Variants in KANK1 observed in about 807,000 individuals in gnomAD.
The protein encoded by KANK1 is KN motif and ankyrin repeat domains 1.
In KANK1, 109 loss-of-function variants were observed where a neutral mutation model predicts 106.2. That is an observed-to-expected ratio of 1.03 (90% CI 0.88 to 1.20). KANK1 has a LOEUF of 1.20. Ranked by LOEUF, KANK1 falls within the 50% of genes most tolerant of loss-of-function variation. The probability of loss-of-function intolerance (pLI) is 0.00; values close to 1 mark genes in which losing one functional copy is unlikely to be tolerated. For missense variants in KANK1, 2,399 were observed against 1,710.7 expected (o/e 1.40, Z -7.10); for synonymous variants, 873 against 652.2 (o/e 1.34, Z -5.16).
rs141006609 is a variant in KANK1 at position 676,121 on chromosome 9, C to T, written c.-83-769C>T. On this transcript the variant is annotated intron_variant, in intron 1 of 11. Transcript: ENST00000382297. ...GTTTTGGACGGCTTCTTTACCACAA[C>T]CTGTTTTATCAGCAAGGTCTTTGTG... Among the ~76,000 whole-genome samples the T allele has an allele frequency of 4.9e-4, 75 of 152,262 alleles. 1 individual carries two copies. The highest frequency in any genetic ancestry group is 3.4e-3 in the Middle Eastern group (1 of 294).
intron 1 of KANK1, among the ~76,000 whole-genome samples, chr9:581,949 A>C (rs1181477298): frequency 6.6e-6 from 1 of 152,142 alleles, no homozygotes. Context: ...GATCTCCCTT[A>C]AGTGTGAGAG....
chr9:698,521 G>C lies in KANK1; in HGVS notation c.38-12283G>C, dbSNP rs140194629. On this transcript the variant is annotated intron_variant, in intron 2 of 11. Coordinates refer to ENST00000382297, the MANE Select transcript of KANK1 (RefSeq NM_015158.5). ...AGCAGAATGAGGTAACAGAGCCCTA[G>C]AAGACAAGCCCAGAGACCGGATCCT... 3.2e-3 allele frequency among the ~76,000 whole-genome samples: 492 copies of C among 152,202 alleles called. 4 individuals are homozygous for C. Among genetic ancestry groups the C allele is most frequent in the African/African-American group, 0.011 (471 of 41,518 alleles).
chr9:607,005 C>T lies in KANK1; in HGVS notation c.-83-69885C>T, dbSNP rs4384034. On this transcript the variant is annotated intron_variant, in intron 1 of 11. Coordinates refer to ENST00000382297, the MANE Select transcript of KANK1 (RefSeq NM_015158.5). ...TATTTTTTTAAGTATTTTATGCCCA[C>T]GGAAAACTGTGGGACTGGGACTTGA... Among the ~76,000 whole-genome samples, 39 of 151,456 alleles carry T rather than the reference C, an allele frequency of 2.6e-4. 1 individual carries two copies. The highest frequency in any genetic ancestry group is 7.1e-4 in the African/African-American group (29 of 40,936).
intron 1 of KANK1, among the ~76,000 whole-genome samples, chr9:629,261 A>G (rs1280825874): frequency 2.0e-5 from 3 of 152,010 alleles, no homozygotes; most frequent in African/African-American, 7.3e-5. Flanking sequence ...GGAGTAAGCC[A>G]TGTTCTTGCT....
chr9:718,173 C>T (rs1374193497), intron 3 of KANK1, among the ~76,000 whole-genome samples: 1 of 151,988 alleles, frequency 6.6e-6, no homozygotes, highest in Non-Finnish European at 1.5e-5. Flanking sequence ...CTCAAAAGCA[C>T]CAAAACAATG....
At chr9:515,009 G>C (rs986894614) in intron 1 of KANK1, among the ~76,000 whole-genome samples, 21 of 151,792 alleles carry the variant, frequency 1.4e-4, no homozygotes, top group Admixed American at 3.9e-4. Flanking sequence ...CCTCAAAAAG[G>C]GTTCATACTT....
intron 2 of KANK1, among the ~76,000 whole-genome samples, 165 bp from the exon 3 acceptor site, chr9:710,639 A>C (rs1805267544): frequency 1.1e-5 from 1 of 93,826 alleles, no homozygotes; most frequent in Admixed American, 1.1e-4. Flanking sequence ...ACAAAAAAAA[A>C]CAAAAAAAAC....
rs1352244084 is a variant in KANK1 at position 712,572 on chromosome 9, A to G, written c.1806A>G (p.Thr602=). ...GTGTGGAAGTCAGCGTCTGCGAAAC[A>G]GGCAGCAACACAGAGGAGTCTGTGA... ...SVSVEVSVCE[T]GSNTEESVND... The change falls in exon 3 of 12, where the codon ACA becomes ACG. Residue 602 remains threonine (T), a synonymous_variant. Transcript: ENST00000382297. 6.2e-7 allele frequency: 1 copy of G among 1,614,190 alleles called. No individual in the cohort carries two copies. The highest frequency in any genetic ancestry group is 8.5e-7 in the Non-Finnish European group (1 of 1,180,024).
At chr9:538,794 C>T (rs560182685) in intron 1 of KANK1, among the ~76,000 whole-genome samples, 13 of 152,174 alleles carry the variant, frequency 8.5e-5, no homozygotes, top group Non-Finnish European at 1.8e-4. Flanking sequence ...TTATAAGGGA[C>T]AACATATTTG....
intron 3 of KANK1, among the ~76,000 whole-genome samples, chr9:715,830 G>A (rs898292301): frequency 9.2e-5 from 14 of 152,162 alleles, no homozygotes; most frequent in Admixed American, 2.6e-4. Context: ...GGAAATGAAC[G>A]CAGAGTATTC....
chr9:629,746 T>G (rs917235475), intron 1 of KANK1, among the ~76,000 whole-genome samples: 2 of 152,098 alleles, frequency 1.3e-5, no homozygotes, highest in African/African-American at 4.8e-5. Flanking sequence ...CTTGTATACG[T>G]ATGTAGAGAG....
At chr9:544,440 C>T (rs547472520) in intron 1 of KANK1, among the ~76,000 whole-genome samples, 4 of 152,240 alleles carry the variant, frequency 2.6e-5, no homozygotes, top group East Asian at 1.9e-4. Context: ...CTGTAGTCTT[C>T]GTACTTCTTA....
At chr9:550,942 A>C (rs1164932968) in intron 1 of KANK1, among the ~76,000 whole-genome samples, 1 of 152,084 alleles carries the variant, frequency 6.6e-6, no homozygotes, top group African/African-American at 2.4e-5. Context: ...GAGTCTTTAA[A>C]TCCAGCCCTC....
intron 1 of KANK1, among the ~76,000 whole-genome samples, chr9:556,384 G>A (rs879460930): frequency 2.0e-5 from 3 of 152,152 alleles, no homozygotes; most frequent in South Asian, 2.1e-4. Flanking sequence ...TCTGAGTTGT[G>A]CTCTCCTCTG....
At chr9:686,773 C>G (rs1027107688) in intron 2 of KANK1, 2 of 985,212 alleles carry the variant, frequency 2.0e-6, no homozygotes, top group African/African-American at 1.7e-5. Flanking sequence ...TGAGTGGGCC[C>G]AAGCATCACA....
rs1836634291 is a variant in KANK1, at chr9:744,427, AC to A, written c.3898-62del. The A allele has an allele frequency of 1.3e-6, 2 of 1,549,756 alleles. 1 individual carries two copies. Among genetic ancestry groups the A allele is most frequent in the East Asian group, 4.5e-5 (2 of 44,044 alleles). On this transcript the variant is annotated intron_variant, in intron 10 of 11. Transcript: ENST00000382297. ...TTATTGGAGGGTGTTTTGTTCTGTT[AC>A]CTTTCGGTTGTCTGGAGGTTTGAGA...
intron 1 of KANK1, among the ~76,000 whole-genome samples, chr9:671,431 G>C (rs1423250367): frequency 6.6e-6 from 1 of 151,224 alleles, no homozygotes; most frequent in Non-Finnish European, 1.5e-5. Context: ...AGATCACAAG[G>C]TCAGGAGATC....
chr9:651,127 C>G (rs7866461), intron 1 of KANK1, among the ~76,000 whole-genome samples: 69,616 of 151,944 alleles, frequency 0.46, 20,125 homozygotes, highest in African/African-American at 0.81. Context: ...TTCGGAACCC[C>G]TTCAATTGTT....
At chr9:731,384 C>T (rs1161282250) in intron 5 of KANK1, 118 bp downstream of exon 5, 8 of 580,562 alleles carry the variant, frequency 1.4e-5, no homozygotes, top group Non-Finnish European at 2.5e-5. Flanking sequence ...TGAAAGATTC[C>T]CTCCTCAGAA....
Sources: gnomAD v4.1 joint callset for allele counts (sites outside exome capture counted in the v4.1 genomes callset) on GRCh38, gnomAD v4.1.1 for gene constraint, MANE v1.5 for transcripts, NCBI Gene and HGNC (gene_info 2026-07-23, HGNC 2026-07-21) for gene names.